Variants in PCDHA9 observed in about 807,000 individuals in gnomAD.
The protein encoded by PCDHA9 is protocadherin alpha 9.
A neutral mutation model predicts 62.0 loss-of-function variants in PCDHA9; 62 were observed. That is an observed-to-expected ratio of 1.00 (90% confidence interval 0.81 to 1.23). PCDHA9 has a LOEUF of 1.23. Among genes scored for constraint, PCDHA9 ranks in the 50% most tolerant of loss-of-function variants. PCDHA9 has a pLI of 0.00. For synonymous variants in PCDHA9, 557 were observed against 567.6 expected, an observed-to-expected ratio of 0.98 and a Z score of 0.27; for missense variants, 1,205 against 1,249.8, an observed-to-expected ratio of 0.96 and a Z score of 0.54.
In PCDHA9 at chr5:140,858,119, C is replaced by G. The variant is rs1444406371; in HGVS notation, c.2394+7230C>G. The G allele has an allele frequency of 1.6e-5, 26 of 1,597,694 alleles. 1 individual carries two copies. The highest frequency in any genetic ancestry group is 2.1e-5 in the Non-Finnish European group (25 of 1,167,644). On this transcript the variant is annotated intron_variant, in intron 1 of 3. Transcript: ENST00000532602. The stretch of plus-strand genomic sequence containing the variant: ...AGTGGGCGTGGCGCCCGAGGTGGCC[C>G]TGGTGGATGTCAACGTGTACCTGAT...
At chr5:140,963,594 C>G (rs549697848) in intron 1 of PCDHA9, among the ~76,000 whole-genome samples, 1 of 152,258 alleles carries the variant, frequency 6.6e-6, no homozygotes, top group South Asian at 2.1e-4. Flanking sequence ...GGATATAGTT[C>G]TAGACGTAAT....
chr5:140,869,555 G>A, intron 1 of PCDHA9: 1 of 1,614,172 alleles, frequency 6.2e-7, no homozygotes, highest in Non-Finnish European at 8.5e-7. Flanking sequence ...TCGGACTCGC[G>A]TTTTCCACTA....
At position 140,850,305 on chromosome 5, in the gene PCDHA9, A is replaced by T; in HGVS notation, c.1810A>T (p.Asn604Tyr). 6.3e-7 allele frequency: 1 copy of T among 1,596,974 alleles called. No homozygotes were observed. Among genetic ancestry groups the T allele is most frequent in the African/African-American group, 1.3e-5 (1 of 74,394 alleles). Residue 604 changes from asparagine to tyrosine, a missense_variant, in exon 1 of 4, where the codon AAC becomes TAC. Physicochemically the swap from Asn to Tyr is moderately radical, Grantham distance 143 (BLOSUM62 -2). Around this residue, in one of 3 missense-constraint regions of PCDHA9, gnomAD observed 887 missense variants for 809.5 expected, o/e 1.10. Coordinates refer to ENST00000532602, the MANE Select transcript of PCDHA9 (RefSeq NM_031857.2). ...CGCAGTGGACGCCGACTCGGGCTAC[A>T]ACGCGTGGCTTTCATACGAGCTGCA... is the stretch of plus-strand genomic sequence containing the variant. ...VRAVDADSGY[N>Y]AWLSYELQPE...
chr5:140,882,562 G>A, intron 1 of PCDHA9: 1 of 1,614,252 alleles, frequency 6.2e-7, no homozygotes, highest in Non-Finnish European at 8.5e-7. Flanking sequence ...TGTGTGGGCG[G>A]AGCGCGGAGT....
At chr5:140,926,664 C>T (rs2083450429) in intron 1 of PCDHA9, 1 of 546,968 alleles carries the variant, frequency 1.8e-6, no homozygotes, top group East Asian at 3.5e-5. Context: ...CTTTCCCAGA[C>T]GGCTGCCCAG....
chr5:140,966,188 T>G (rs1454663585), intron 1 of PCDHA9: 7 of 200,348 alleles, frequency 3.5e-5, no homozygotes, highest in Non-Finnish European at 6.9e-5. Context: ...ATAGCCAGAC[T>G]TCTAGGGGCT....
intron 1 of PCDHA9, among the ~76,000 whole-genome samples, chr5:140,961,914 C>T (rs192184): frequency 0.56 from 84,843 of 150,390 alleles, 24,472 homozygotes; most frequent in African/African-American, 0.69. Context: ...GATGGAGTCT[C>T]GCTCTGTTGC....
At chr5:140,929,014 C>T (rs1554206582) in intron 1 of PCDHA9, 5 of 1,614,110 alleles carry the variant, frequency 3.1e-6, no homozygotes, top group Non-Finnish European at 4.2e-6. Flanking sequence ...TACCAAGTTG[C>T]ACCAGAGCCC....
At chr5:140,908,728 C>T (rs2074119712) in intron 1 of PCDHA9, among the ~76,000 whole-genome samples, 1 of 152,202 alleles carries the variant, frequency 6.6e-6, no homozygotes, top group Non-Finnish European at 1.5e-5. Context: ...GGTCATATGG[C>T]TCGAGAAACA....
At chr5:140,963,168 T>G (rs1554226465) in intron 1 of PCDHA9, among the ~76,000 whole-genome samples, 1 of 152,160 alleles carries the variant, frequency 6.6e-6, no homozygotes, top group East Asian at 1.9e-4. Flanking sequence ...ACATGCCATC[T>G]TACAGATATG....
rs149166530 is a variant in PCDHA9, at chr5:140,990,443, A to G, written c.2542+7880A>G. Among the ~76,000 whole-genome samples the G allele has an allele frequency of 8.3e-4, 127 of 152,344 alleles. 2 individuals carry two copies. The East Asian group carries it at 0.024, about 29-fold the overall frequency. On this transcript the variant is annotated intron_variant, in intron 3 of 3. Transcript: ENST00000532602. ...CCAGCATTGACCCAATCTTGTGTCC[A>G]GAGCTGTTGCTGTAGGTGGTATCAT...
chr5:140,877,015 G>C (rs371309003), intron 1 of PCDHA9: 9 of 1,612,358 alleles, frequency 5.6e-6, no homozygotes, highest in Non-Finnish European at 7.6e-6. Context: ...CGCGGAGAGC[G>C]GCAAGGTGTA....
chr5:140,882,129 T>G lies in PCDHA9; in HGVS notation c.2394+31240T>G. 10 of 1,473,110 alleles carry G rather than the reference T, an allele frequency of 6.8e-6. No homozygotes were observed. The South Asian group carries it at 9.9e-5, about 15-fold the overall frequency. The allele number at this position is 1,473,110 out of a possible 1,614,324, so 91.3% of individuals were successfully genotyped here. On this transcript the variant is annotated intron_variant, in intron 1 of 3. Transcript: ENST00000532602. ...AAGAAAGCCGCCGTTTCTTTCTTCC[T>G]GCAGAAAATATAGCAGAAAGCGGAA...
intron 1 of PCDHA9, among the ~76,000 whole-genome samples, chr5:140,901,442 T>G (rs1490397176): frequency 6.6e-6 from 1 of 152,206 alleles, no homozygotes; most frequent in Non-Finnish European, 1.5e-5. Flanking sequence ...GATATCTAGT[T>G]TCCCAGCACA....
Position 141,010,353 on chromosome 5 carries a change from G to A in PCDHA9, c.*416G>A. On this transcript the variant is annotated 3_prime_UTR_variant, in exon 4 of 4. Transcript: ENST00000532602. ...AGTTTGTGGCCACTGGGTATGTGTG[G>A]CTACCGCGGGTATGCGAGTGCCAGA... is the stretch of plus-strand genomic sequence containing the variant. 1.3e-6 allele frequency: 2 copies of A among 1,507,486 alleles called. No individual in the cohort carries two copies. Among genetic ancestry groups the A allele is most frequent in the Non-Finnish European group, 1.8e-6 (2 of 1,128,244 alleles). The allele number at this position is 1,507,486 out of a possible 1,614,324, so 93.4% of individuals were successfully genotyped here. A position where few individuals can be genotyped will look rare whatever the true frequency, so the allele number is the denominator to read the frequency against.
intron 1 of PCDHA9, among the ~76,000 whole-genome samples, chr5:140,954,141 T>C (rs1344784554): frequency 2.0e-5 from 3 of 152,208 alleles, no homozygotes; most frequent in Non-Finnish European, 4.4e-5. Flanking sequence ...TGCATAGTAT[T>C]CCATGGTGTA....
chr5:140,974,832 T>C (rs114216401), intron 1 of PCDHA9, among the ~76,000 whole-genome samples: 60 of 152,346 alleles, frequency 3.9e-4, no homozygotes, highest in African/African-American at 1.4e-3. Context: ...ATAATGATTA[T>C]TTTAAATGTT....
At chr5:140,857,985 T>C (rs1554150982) in intron 1 of PCDHA9, 4 of 1,596,676 alleles carry the variant, frequency 2.5e-6, no homozygotes, top group South Asian at 2.2e-5. Flanking sequence ...CGCCAGCGCC[T>C]ACTGGTGCTG....
chr5:141,005,535 C>T (rs1254351919), intron 3 of PCDHA9, among the ~76,000 whole-genome samples: 2 of 151,078 alleles, frequency 1.3e-5, no homozygotes, highest in Non-Finnish European at 2.9e-5. Flanking sequence ...AACCCCGTCT[C>T]TACTAAAAAT....
Sources: allele counts gnomAD v4.1 joint callset (sites outside exome capture counted in the v4.1 genomes callset), GRCh38; gene constraint gnomAD v4.1.1; regional missense constraint gnomAD v4.1.1; transcripts MANE v1.5; gene names NCBI Gene and HGNC (gene_info 2026-07-23, HGNC 2026-07-21).